Variants in MEGF11 observed in about 807,000 individuals in gnomAD.
The protein encoded by MEGF11 is multiple epidermal growth factor-like domains protein 11.
MEGF11 carries 126 observed loss-of-function variants against 146.6 expected under a neutral mutation model. The ratio of observed to expected loss-of-function variants is 0.86; its 90% CI spans 0.74 to 1.00. The LOEUF (loss-of-function observed/expected upper bound fraction) is 1.00. MEGF11 is among the 50% of genes least tolerant of loss of function. The pLI is 0.00. For missense variants in MEGF11, 1,509 were observed against 1,521.2 expected, an observed-to-expected ratio of 0.99 and a Z score of 0.13; for synonymous variants, 532 against 583.4, an observed-to-expected ratio of 0.91 and a Z score of 1.27.
chr15:65,961,128 C>T (rs1194337065), intron 9 of MEGF11, among the ~76,000 whole-genome samples: 2 of 152,106 alleles, frequency 1.3e-5, no homozygotes, highest in East Asian at 1.9e-4. Flanking sequence ...AACCTTTGTC[C>T]CTCAGCAGAG....
chr15:65,956,457 C>T (rs566097686), intron 10 of MEGF11, among the ~76,000 whole-genome samples: 7 of 152,300 alleles, frequency 4.6e-5, no homozygotes, highest in African/African-American at 1.2e-4. Context: ...TTCTATTTCA[C>T]GGGTGAGGAA....
At chr15:66,029,437 T>C (rs1034658451) in intron 5 of MEGF11, among the ~76,000 whole-genome samples, 1 of 152,216 alleles carries the variant, frequency 6.6e-6, no homozygotes, top group African/African-American at 2.4e-5. Flanking sequence ...CCTGTGTGCC[T>C]GAGACAGTCC....
At chr15:66,207,815 G>A (rs1042146276) in intron 1 of MEGF11, among the ~76,000 whole-genome samples, 10 of 152,232 alleles carry the variant, frequency 6.6e-5, no homozygotes, top group Non-Finnish European at 1.0e-4. Context: ...GGGAATGGTG[G>A]CTCACGCCTG....
chr15:66,128,573 A>G, intron 1 of MEGF11, 162 bp from the exon 2 acceptor site: 1 of 426,824 alleles, frequency 2.3e-6, no homozygotes, highest in Non-Finnish European at 4.0e-6. Flanking sequence ...GAGAGTGGGA[A>G]GCCTGAGTCA....
intron 5 of MEGF11, among the ~76,000 whole-genome samples, chr15:66,057,149 A>T (rs1408643854): frequency 6.6e-6 from 1 of 151,758 alleles, no homozygotes; most frequent in Non-Finnish European, 1.5e-5. Context: ...TGTCAGGCTG[A>T]CTCTCCCTTC....
chr15:65,939,073 TTG>T (rs1351625873), intron 10 of MEGF11, among the ~76,000 whole-genome samples: 5 of 152,094 alleles, frequency 3.3e-5, no homozygotes, highest in African/African-American at 7.2e-5. Flanking sequence ...AGGGAGGCAA[TTG>T]TGTGAGTCTG....
At chr15:65,908,099 G>A (rs950792764) in intron 23 of MEGF11, among the ~76,000 whole-genome samples, 1 of 152,160 alleles carries the variant, frequency 6.6e-6, no homozygotes, top group African/African-American at 2.4e-5. Context: ...TACTGTCCAG[G>A]GGACCCACAG....
At chr15:65,970,035 T>G (rs2081251152) in intron 8 of MEGF11, among the ~76,000 whole-genome samples, 1 of 152,138 alleles carries the variant, frequency 6.6e-6, no homozygotes, top group African/African-American at 2.4e-5. Context: ...CAGTTCTGTG[T>G]TTTTTTGATT....
At chr15:66,224,787 G>A (rs2091816760) in intron 1 of MEGF11, among the ~76,000 whole-genome samples, 1 of 149,646 alleles carries the variant, frequency 6.7e-6, no homozygotes, top group Non-Finnish European at 1.5e-5. Flanking sequence ...CATAGCATAA[G>A]TGCTATCCAA....
intron 10 of MEGF11, 135 bp from the exon 11 acceptor site, chr15:65,931,078 C>T (rs1281260189): frequency 2.6e-6 from 3 of 1,134,558 alleles, no homozygotes; most frequent in Non-Finnish European, 3.5e-6. Context: ...TGTTACCTTA[C>T]ATGGCAAAAA....
chr15:66,107,108 A>G (rs1006285366), intron 4 of MEGF11, among the ~76,000 whole-genome samples: 1 of 151,662 alleles, frequency 6.6e-6, no homozygotes, highest in African/African-American at 2.4e-5. Context: ...GCCTGCAACG[A>G]GGGACCCTGC....
chr15:66,130,730 G>A (rs375494742), intron 1 of MEGF11, among the ~76,000 whole-genome samples: 5 of 140,980 alleles, frequency 3.5e-5, no homozygotes, highest in African/African-American at 5.2e-5. Flanking sequence ...AAGAGGGAGG[G>A]AGGAAGGAAG....
At chr15:66,011,370 T>G (rs1342904899) in intron 5 of MEGF11, among the ~76,000 whole-genome samples, 1 of 152,118 alleles carries the variant, frequency 6.6e-6, no homozygotes, top group Non-Finnish European at 1.5e-5. Context: ...ACTAAATCAC[T>G]TCCTCCCTTC....
intron 1 of MEGF11, among the ~76,000 whole-genome samples, chr15:66,236,850 A>ACT (rs2092104619): frequency 6.6e-6 from 1 of 152,184 alleles, no homozygotes; most frequent in African/African-American, 2.4e-5. Context: ...GGGGCAGAGG[A>ACT]GCTGAGCCAA....
At chr15:66,241,904 C>T (rs1352207016) in intron 1 of MEGF11, among the ~76,000 whole-genome samples, 1 of 152,290 alleles carries the variant, frequency 6.6e-6, no homozygotes, top group East Asian at 1.9e-4. Context: ...TGGATAACAG[C>T]AGCACATACA....
chr15:66,207,873 A>G (rs1435918327), intron 1 of MEGF11, among the ~76,000 whole-genome samples: 1 of 152,210 alleles, frequency 6.6e-6, no homozygotes, highest in African/African-American at 2.4e-5. Flanking sequence ...ATCTGAGGTC[A>G]GGAGTTCAAG....
chr15:66,229,288 T>G (rs1263875497), intron 1 of MEGF11, among the ~76,000 whole-genome samples: 1 of 151,802 alleles, frequency 6.6e-6, no homozygotes, highest in Non-Finnish European at 1.5e-5. Context: ...CCAGCCCCAA[T>G]GCGCACCAGG....
intron 20 of MEGF11, 56 bp downstream of exon 20, chr15:65,913,681 C>T (rs2078890123): frequency 2.7e-6 from 4 of 1,472,038 alleles, no homozygotes; most frequent in Non-Finnish European, 3.7e-6. Context: ...ACAACCATTC[C>T]TGGGGTATGT....
chr15:66,017,185 C>T (rs186455289), intron 5 of MEGF11, among the ~76,000 whole-genome samples: 7 of 152,320 alleles, frequency 4.6e-5, no homozygotes, highest in African/African-American at 1.4e-4. Context: ...TGTAATGGAG[C>T]TGTCATCTGC....
Sources: allele counts gnomAD v4.1 joint callset (sites outside exome capture counted in the v4.1 genomes callset), GRCh38; gene constraint gnomAD v4.1.1; transcripts MANE v1.5; gene names NCBI Gene and HGNC (gene_info 2026-07-23, HGNC 2026-07-21).